The following RPAP3 variants were observed in gnomAD, a reference collection of about 807,000 sequenced individuals.
RPAP3 encodes the protein RNA polymerase II associated protein 3, also known as RNA polymerase II-associated protein 3.
A neutral mutation model predicts 88.8 loss-of-function variants in RPAP3; 58 were observed. The ratio of observed to expected loss-of-function variants is 0.65; its 90% confidence interval spans 0.53 to 0.81. The LOEUF (loss-of-function observed/expected upper bound fraction) is 0.81, where lower values mean the gene tolerates loss of function less well. RPAP3 is among the 40% of genes least tolerant of loss of function. The probability of loss-of-function intolerance (pLI) is 0.00; values close to 1 mark genes in which losing one functional copy is unlikely to be tolerated. For missense variants in RPAP3, 751 were observed against 764.3 expected, an observed-to-expected ratio of 0.98 and a Z score of 0.20; for synonymous variants, 255 against 259.9, an observed-to-expected ratio of 0.98 and a Z score of 0.18.
At chr12:47,700,619 C>T (rs1025793589) in intron 3 of RPAP3, among the ~76,000 whole-genome samples, 1 of 152,174 alleles carries the variant, frequency 6.6e-6, no homozygotes, top group East Asian at 1.9e-4. Context: ...CTTTCACAGG[C>T]TGACACGACA....
intron 3 of RPAP3, among the ~76,000 whole-genome samples, chr12:47,700,886 T>C (rs544703293): frequency 1.9e-4 from 29 of 152,352 alleles, no homozygotes; most frequent in African/African-American, 7.0e-4. Flanking sequence ...CAAAGACATC[T>C]GCACAGTCAT....
At chr12:47,682,693 A>AC (rs1286842224) in intron 9 of RPAP3, among the ~76,000 whole-genome samples, 51 of 151,870 alleles carry the variant, frequency 3.4e-4, no homozygotes, top group Non-Finnish European at 6.9e-4. Flanking sequence ...AAAAAAAAAA[A>AC]ACACTCCTGT....
intron 4 of RPAP3, among the ~76,000 whole-genome samples, chr12:47,697,145 T>C (rs1354309065): frequency 1.3e-5 from 2 of 152,208 alleles, no homozygotes; most frequent in South Asian, 2.1e-4. Flanking sequence ...CTCAGGGAGA[T>C]ACTGAACATT....
chr12:47,692,011 C>A (rs1273735659), intron 5 of RPAP3, among the ~76,000 whole-genome samples: 2 of 152,174 alleles, frequency 1.3e-5, no homozygotes, highest in Admixed American at 1.3e-4. Flanking sequence ...TCCCACAAAT[C>A]TTTTTTTCTA....
Position 47,670,191 on chromosome 12 carries a change from C to T in RPAP3, c.1442G>A (p.Ser481Asn), listed in dbSNP as rs770203975. ...ACTTGTGGGAAAAAGGTCATCTTGG[C>T]TTGAATTCTTCTTACTTGTGGTGCC... ...ATGTTSKKNS[S>N]QDDLFPTSDT... The change falls in exon 13 of 17, where the codon AGC becomes AAC. Residue 481 changes from serine to asparagine, a missense_variant. Physicochemically the swap from Ser to Asn is conservative, Grantham distance 46. Transcript: ENST00000005386. 3.9e-5 allele frequency: 63 copies of T among 1,613,994 alleles called. 1 individual carries two copies. In the South Asian group the frequency reaches 6.7e-4, roughly 17 times the overall value.
At chr12:47,697,567 G>A in intron 4 of RPAP3, 30 bp downstream of exon 4, 1 of 1,569,238 alleles carries the variant, frequency 6.4e-7, no homozygotes, top group Non-Finnish European at 8.6e-7. Context: ...CTGCTTACAT[G>A]AAAAAAAACA....
chr12:47,697,451 T>C (rs1592486411), intron 4 of RPAP3, 146 bp downstream of exon 4: 2 of 641,926 alleles, frequency 3.1e-6, no homozygotes, highest in Non-Finnish European at 5.1e-6. Flanking sequence ...AACCACCATG[T>C]TACAATGCCT....
rs1221246968 is a variant in RPAP3 at position 47,696,386 on chromosome 12, T to A, written c.435A>T (p.Lys145Asn). The A allele has an allele frequency of 6.3e-7, 1 of 1,579,914 alleles. No homozygotes were observed. Among genetic ancestry groups the A allele is most frequent in the Admixed American group, 1.8e-5 (1 of 55,050 alleles). ...VLKEKGNKYF[K>N]QGKYDEAIDC... ...CAATTGCTTCATCATATTTTCCTTGTTTGAAGTATTTATTGCCCTGAAAGA... is the reference window on the plus strand; with the variant it reads ...CAATTGCTTCATCATATTTTCCTTGATTGAAGTATTTATTGCCCTGAAAGA... Residue 145 changes from lysine (K) to asparagine (N), a missense_variant, in exon 5 of 17, where the codon AAA becomes AAT. Lys to Asn is a moderately conservative substitution (Grantham distance 94). Transcript: ENST00000005386.
At chr12:47,698,058 A>T (rs1939572057) in intron 3 of RPAP3, among the ~76,000 whole-genome samples, 1 of 152,100 alleles carries the variant, frequency 6.6e-6, no homozygotes, top group Admixed American at 6.6e-5. Flanking sequence ...TATAATTAGC[A>T]CCCAGTAGCA....
At chr12:47,679,206 C>T (rs1939174323) in intron 12 of RPAP3, among the ~76,000 whole-genome samples, 1 of 152,126 alleles carries the variant, frequency 6.6e-6, no homozygotes, top group South Asian at 2.1e-4. Context: ...AATGAGATCA[C>T]CTGGACACAG....
At chr12:47,688,439 A>AATAT (rs1939367286) in intron 7 of RPAP3, among the ~76,000 whole-genome samples, 1 of 152,170 alleles carries the variant, frequency 6.6e-6, no homozygotes, top group Non-Finnish European at 1.5e-5. Context: ...AGTATCATAC[A>AATAT]ATATGCCCAT....
At chr12:47,674,575 C>G (rs1296277188) in intron 12 of RPAP3, among the ~76,000 whole-genome samples, 1 of 152,132 alleles carries the variant, frequency 6.6e-6, no homozygotes. Context: ...AACTGAAAAC[C>G]ATGGCATGAG....
Position 47,677,297 on chromosome 12 carries a change from G to A in RPAP3, c.1287+2196C>T, listed in dbSNP as rs1426174180. Among the ~76,000 whole-genome samples the A allele has an allele frequency of 2.6e-5, 4 of 152,070 alleles. No individual in the cohort carries two copies. In the East Asian group the frequency reaches 5.8e-4, roughly 22 times the overall value. ...CCACAGCCAATATCATACTGAATGG[G>A]CAAAAACTGGAAGCATTCCCTTTGA... On this transcript the variant is annotated intron_variant, in intron 12 of 16. Coordinates refer to ENST00000005386, the MANE Select transcript of RPAP3 (RefSeq NM_024604.3).
At chr12:47,700,798 G>A (rs948399796) in intron 3 of RPAP3, among the ~76,000 whole-genome samples, 3 of 152,124 alleles carry the variant, frequency 2.0e-5, no homozygotes, top group East Asian at 3.8e-4. Flanking sequence ...TATGTTTATC[G>A]TCACACAGCC....
At chr12:47,696,840 C>T (rs1939538061) in intron 4 of RPAP3, among the ~76,000 whole-genome samples, 1 of 152,212 alleles carries the variant, frequency 6.6e-6, no homozygotes, top group Middle Eastern at 3.4e-3. Flanking sequence ...ATACTGCTTC[C>T]GGTCAACAGT....
chr12:47,675,363 C>T (rs1266250034), intron 12 of RPAP3, among the ~76,000 whole-genome samples: 1 of 152,178 alleles, frequency 6.6e-6, no homozygotes, highest in Non-Finnish European at 1.5e-5. Context: ...AACCAGCGAA[C>T]ATCATAATGA....
At chr12:47,705,632 G>T (rs1939776275) in intron 1 of RPAP3, among the ~76,000 whole-genome samples, 1 of 152,318 alleles carries the variant, frequency 6.6e-6, no homozygotes, top group South Asian at 2.1e-4. Context: ...CACCCACGCC[G>T]CAAGGGGGCG....
At chr12:47,697,188 C>T (rs1426511168) in intron 4 of RPAP3, among the ~76,000 whole-genome samples, 1 of 152,094 alleles carries the variant, frequency 6.6e-6, no homozygotes, top group South Asian at 2.1e-4. Flanking sequence ...CTTTGATACC[C>T]GGGAGTGGAA....
intron 5 of RPAP3, chr12:47,695,901 T>A (rs1407826129): frequency 6.5e-6 from 1 of 155,016 alleles, no homozygotes; most frequent in African/African-American, 2.4e-5. Flanking sequence ...GAAACATATT[T>A]TAAGTTTTCC....
Sources: gnomAD v4.1 joint callset for allele counts (sites outside exome capture counted in the v4.1 genomes callset) on GRCh38, gnomAD v4.1.1 for gene constraint, MANE v1.5 for transcripts, NCBI Gene and HGNC (gene_info 2026-07-23, HGNC 2026-07-21) for gene names.